Variants in TACR3 observed in about 807,000 individuals in gnomAD.
The protein encoded by TACR3 is tachykinin receptor 3.
A neutral mutation model predicts 35.0 loss-of-function variants in TACR3; 34 were observed. That is an observed-to-expected ratio of 0.97 (90% CI 0.74 to 1.30). The LOEUF is 1.30. TACR3 is among the 50% of genes most tolerant of loss of function. The pLI, the probability that TACR3 is intolerant of heterozygous loss-of-function variation, is 0.00. For missense variants in TACR3, 558 were observed against 591.7 expected, an observed-to-expected ratio of 0.94 and a Z score of 0.59; for synonymous variants, 233 against 221.1, an observed-to-expected ratio of 1.05 and a Z score of -0.48.
At chr4:103,593,171 C>T (rs1207634461) in intron 3 of TACR3, 1 of 151,696 alleles carries the variant, frequency 6.6e-6, no homozygotes, top group African/African-American at 2.4e-5. Context: ...ACGTATTTAA[C>T]AATTAATTAA....
At chr4:103,716,728 G>A (rs1723098979) in intron 1 of TACR3, among the ~76,000 whole-genome samples, 1 of 152,134 alleles carries the variant, frequency 6.6e-6, no homozygotes, top group Admixed American at 6.5e-5. Flanking sequence ...CGGGTCTTTT[G>A]ATTTTAGGCA....
chr4:103,683,694 G>A (rs1270222303), intron 1 of TACR3, among the ~76,000 whole-genome samples: 1 of 151,864 alleles, frequency 6.6e-6, no homozygotes, highest in Non-Finnish European at 1.5e-5. Flanking sequence ...TGAATCTCTA[G>A]TACCTCATGG....
chr4:103,702,435 A>G (rs142824527), intron 1 of TACR3, among the ~76,000 whole-genome samples: 3,095 of 152,256 alleles, frequency 0.02, 44 homozygotes, highest in Non-Finnish European at 0.031. Context: ...AAATAGGAAC[A>G]CTTTTACACT....
intron 3 of TACR3, among the ~76,000 whole-genome samples, chr4:103,623,968 A>G (rs1724838266): frequency 6.6e-6 from 1 of 152,118 alleles, no homozygotes; most frequent in Non-Finnish European, 1.5e-5. Flanking sequence ...ACCTTGTTCA[A>G]TCTAGGTTAA....
Position 103,719,724 on chromosome 4 carries a change from C to G in TACR3, c.-49G>C, listed in dbSNP as rs375272097. 2 of 1,597,688 alleles carry G rather than the reference C, an allele frequency of 1.3e-6. No homozygotes were observed. The highest frequency in any genetic ancestry group is 1.7e-6 in the Non-Finnish European group (2 of 1,177,570). Reference sequence around the variant, plus strand: ...CCCTCCCACTCACCCACGGGCAGCCCAAGACGAGACTCCTCTGAAGTTCTT... The same window carrying G: ...CCCTCCCACTCACCCACGGGCAGCCGAAGACGAGACTCCTCTGAAGTTCTT... On this transcript the variant is annotated 5_prime_UTR_variant, in exon 1 of 5. Coordinates refer to ENST00000304883, the MANE Select transcript of TACR3 (RefSeq NM_001059.3).
intron 1 of TACR3, among the ~76,000 whole-genome samples, chr4:103,696,618 T>G (rs959252551): frequency 6.6e-6 from 1 of 152,156 alleles, no homozygotes. Context: ...AAGAGTTTCT[T>G]TTTTATTTTT....
intron 3 of TACR3, 125 bp from the exon 4 acceptor site, chr4:103,591,808 A>G: frequency 3.1e-6 from 3 of 960,584 alleles, no homozygotes; most frequent in Non-Finnish European, 4.7e-6. Context: ...TAGTCAATAT[A>G]TTAAAAAATG....
chr4:103,611,195 T>C (rs187917775), intron 3 of TACR3, among the ~76,000 whole-genome samples: 1 of 152,258 alleles, frequency 6.6e-6, no homozygotes, highest in East Asian at 1.9e-4. Flanking sequence ...TGAATTGAAT[T>C]TGTAAATTGT....
At chr4:103,677,972 A>G (rs1726208214) in intron 1 of TACR3, among the ~76,000 whole-genome samples, 1 of 152,164 alleles carries the variant, frequency 6.6e-6, no homozygotes, top group Non-Finnish European at 1.5e-5. Flanking sequence ...TGAGGATTAA[A>G]TAAAACTTTG....
At chr4:103,627,355 A>AAAAAC (rs1724918843) in intron 3 of TACR3, among the ~76,000 whole-genome samples, 1 of 90,352 alleles carries the variant, frequency 1.1e-5, no homozygotes. Context: ...TTTCCATTAA[A>AAAAAC]AAAAAAAAAA....
At chr4:103,608,624 A>AAAAG (rs1333947860) in intron 3 of TACR3, among the ~76,000 whole-genome samples, 4 of 152,166 alleles carry the variant, frequency 2.6e-5, no homozygotes, top group Admixed American at 6.6e-5. Flanking sequence ...GTGGAGGATC[A>AAAAG]AAAGATAATT....
At chr4:103,596,681 C>T (rs932676960) in intron 3 of TACR3, among the ~76,000 whole-genome samples, 1 of 151,670 alleles carries the variant, frequency 6.6e-6, no homozygotes. Flanking sequence ...GGATACATGT[C>T]CCATGTTGGT....
At chr4:103,596,232 G>A (rs1439139956) in intron 3 of TACR3, among the ~76,000 whole-genome samples, 1 of 151,804 alleles carries the variant, frequency 6.6e-6, no homozygotes, top group Non-Finnish European at 1.5e-5. Flanking sequence ...TGTCTTTATA[G>A]CAGCATAATT....
intron 3 of TACR3, among the ~76,000 whole-genome samples, chr4:103,607,899 G>T (rs2110295636): frequency 6.6e-6 from 1 of 152,238 alleles, no homozygotes; most frequent in Middle Eastern, 3.4e-3. Flanking sequence ...CTTTAGGAGG[G>T]ATTGCCAGTC....
intron 1 of TACR3, among the ~76,000 whole-genome samples, chr4:103,714,571 C>A (rs899943014): frequency 1.3e-4 from 20 of 151,908 alleles, no homozygotes; most frequent in Admixed American, 9.2e-4. Flanking sequence ...GTAAATAATT[C>A]AAAAATATGT....
At chr4:103,625,833 T>G (rs1416061815) in intron 3 of TACR3, among the ~76,000 whole-genome samples, 1 of 152,050 alleles carries the variant, frequency 6.6e-6, no homozygotes, top group Admixed American at 6.5e-5. Context: ...AATTTGAAGA[T>G]AGGGCCTTTA....
chr4:103,589,850 T>G lies in TACR3; in HGVS notation c.1230A>C (p.Thr410=). 3.1e-6 allele frequency: 5 copies of G among 1,613,970 alleles called. No individual in the cohort carries two copies. The highest frequency in any genetic ancestry group is 4.2e-6 in the Non-Finnish European group (5 of 1,179,880). The change falls in exon 5 of 5, where the codon ACA becomes ACC. Residue 410 remains threonine (T), a synonymous_variant. Coordinates refer to ENST00000304883, the MANE Select transcript of TACR3 (RefSeq NM_001059.3). The part of the protein sequence containing the change: ...MYTVTRMESM[T]VVFDPNDADT... ...CTGCATCGTTGGGGTCAAACACGAC[T>G]GTCATGGACTCCATTCTGGTCACGG...
At chr4:103,596,856 G>T (rs191678193) in intron 3 of TACR3, among the ~76,000 whole-genome samples, 1 of 151,628 alleles carries the variant, frequency 6.6e-6, no homozygotes. Context: ...ATGCAGTTTG[G>T]TTTTTTGTCC....
At chr4:103,644,136 T>C (rs1427519733) in intron 3 of TACR3, among the ~76,000 whole-genome samples, 1 of 151,870 alleles carries the variant, frequency 6.6e-6, no homozygotes, top group East Asian at 1.9e-4. Context: ...AGGAGGAATA[T>C]TTAATCAAAG....
Sources: gnomAD v4.1 joint callset for allele counts (sites outside exome capture counted in the v4.1 genomes callset) on GRCh38, gnomAD v4.1.1 for gene constraint, MANE v1.5 for transcripts, NCBI Gene and HGNC (gene_info 2026-07-23, HGNC 2026-07-21) for gene names.